Variants in CDK14 observed in about 807,000 individuals in gnomAD.
CDK14 encodes cyclin-dependent kinase 14.
CDK14 carries 34 observed loss-of-function variants against 60.7 expected under a neutral mutation model. That is an observed-to-expected ratio of 0.56 (90% CI 0.43 to 0.75). The LOEUF (loss-of-function observed/expected upper bound fraction) is 0.75. Among genes scored for constraint, CDK14 ranks in the 30% least tolerant of loss-of-function variants. The probability of loss-of-function intolerance (pLI) is 0.00; values close to 1 mark genes in which losing one functional copy is unlikely to be tolerated. For synonymous variants in CDK14, 197 were observed against 203.7 expected, an observed-to-expected ratio of 0.97 and a Z score of 0.28; for missense variants, 482 against 564.1, an observed-to-expected ratio of 0.85 and a Z score of 1.47.
chr7:90,843,803 T>C (rs1790376996), intron 5 of CDK14, among the ~76,000 whole-genome samples: 1 of 152,176 alleles, frequency 6.6e-6, no homozygotes, highest in Admixed American at 6.5e-5. Flanking sequence ...GGAAGGTCAA[T>C]AGCCTGGAAG....
chr7:90,861,884 A>G (rs1163181250), intron 5 of CDK14, among the ~76,000 whole-genome samples: 2 of 152,214 alleles, frequency 1.3e-5, no homozygotes, highest in Non-Finnish European at 2.9e-5. Context: ...AATAGGGATT[A>G]GTGCATTTTG....
intron 3 of CDK14, among the ~76,000 whole-genome samples, chr7:90,739,429 T>G (rs1048337943): frequency 2.6e-5 from 4 of 152,194 alleles, no homozygotes; most frequent in Non-Finnish European, 5.9e-5. Context: ...TTTTTTTGTT[T>G]TTCTAATTTC....
chr7:90,771,786 T>C (rs1157928773), intron 4 of CDK14, among the ~76,000 whole-genome samples: 1 of 152,180 alleles, frequency 6.6e-6, no homozygotes, highest in African/African-American at 2.4e-5. Context: ...GTCACTCTGG[T>C]CACTGGACTC....
chr7:90,777,213 C>A (rs1457179486), intron 4 of CDK14, among the ~76,000 whole-genome samples: 1 of 152,116 alleles, frequency 6.6e-6, no homozygotes, highest in Non-Finnish European at 1.5e-5. Flanking sequence ...GGTGGTGGAT[C>A]TAAAACAGGC....
intron 2 of CDK14, among the ~76,000 whole-genome samples, chr7:90,606,737 A>G (rs530414340): frequency 1.1e-4 from 16 of 152,318 alleles, no homozygotes; most frequent in Admixed American, 8.5e-4. Flanking sequence ...TGTTGCTCGT[A>G]GTTAACTTTC....
At chr7:91,116,008 G>A (rs1799598827) in intron 13 of CDK14, among the ~76,000 whole-genome samples, 1 of 152,100 alleles carries the variant, frequency 6.6e-6, no homozygotes, top group Non-Finnish European at 1.5e-5. Context: ...GCTAATTCTG[G>A]TGGCACCCTG....
chr7:90,610,405 C>T (rs1043783388), intron 2 of CDK14, among the ~76,000 whole-genome samples: 2 of 152,152 alleles, frequency 1.3e-5, no homozygotes, highest in Non-Finnish European at 2.9e-5. Context: ...GTCCTTGTGC[C>T]GCTGGCCTGT....
chr7:90,749,769 A>C lies in CDK14; in HGVS notation c.464+1994A>C, dbSNP rs192363023. On this transcript the variant is annotated intron_variant, in intron 4 of 14. Transcript: ENST00000380050. ...GTTTCCCAGCTTCATGTTTAGGCACACTCTGGGTGCTTGGTGGCTTTCTAC... is the reference window on the plus strand; with the variant it reads ...GTTTCCCAGCTTCATGTTTAGGCACCCTCTGGGTGCTTGGTGGCTTTCTAC... Among the ~76,000 whole-genome samples, 233 of 152,040 alleles carry C rather than the reference A, an allele frequency of 1.5e-3. 1 individual carries two copies. The highest frequency in any genetic ancestry group is 2.0e-3 in the Non-Finnish European group (137 of 67,954).
At chr7:91,198,998 G>A (rs1802635457) in intron 14 of CDK14, among the ~76,000 whole-genome samples, 1 of 152,124 alleles carries the variant, frequency 6.6e-6, no homozygotes, top group African/African-American at 2.4e-5. Flanking sequence ...GAGAAAAAAT[G>A]CACACTCTGG....
At chr7:90,887,244 T>A (rs987696711) in intron 6 of CDK14, among the ~76,000 whole-genome samples, 3 of 152,200 alleles carry the variant, frequency 2.0e-5, no homozygotes, top group African/African-American at 7.2e-5. Flanking sequence ...TTTTTAAAAA[T>A]AATGTTGGTG....
chr7:90,682,410 A>G (rs974393212), intron 2 of CDK14, among the ~76,000 whole-genome samples: 1 of 152,296 alleles, frequency 6.6e-6, no homozygotes, highest in African/African-American at 2.4e-5. Flanking sequence ...TTATCAATCA[A>G]TCATCTGTCG....
intron 2 of CDK14, among the ~76,000 whole-genome samples, chr7:90,685,648 A>C (rs1250800071): frequency 9.8e-6 from 1 of 101,658 alleles, no homozygotes; most frequent in Admixed American, 1.3e-4. Flanking sequence ...CCAGCCAATT[A>C]ATTTTTTTTT....
At chr7:90,988,085 G>A (rs767646) in intron 10 of CDK14, among the ~76,000 whole-genome samples, 5,508 of 152,178 alleles carry the variant, frequency 0.036, 108 homozygotes, top group Non-Finnish European at 0.055. Context: ...TATAAAATAT[G>A]TGAAAGGAAA....
chr7:90,797,554 A>G (rs865881380), intron 5 of CDK14, among the ~76,000 whole-genome samples: 2 of 151,956 alleles, frequency 1.3e-5, no homozygotes, highest in Admixed American at 6.6e-5. Flanking sequence ...TAGTAACCCT[A>G]CGTATTAATC....
chr7:90,983,965 A>G (rs367543856), intron 9 of CDK14, among the ~76,000 whole-genome samples, 183 bp from the exon 10 acceptor site: 2 of 152,334 alleles, frequency 1.3e-5, no homozygotes, highest in East Asian at 1.9e-4. Context: ...TCAGAATCAC[A>G]TAATATACCC....
chr7:90,922,323 T>C (rs887973528), intron 8 of CDK14, among the ~76,000 whole-genome samples: 4 of 152,182 alleles, frequency 2.6e-5, no homozygotes, highest in African/African-American at 9.7e-5. Flanking sequence ...TCTTAACACC[T>C]CAACAGTTTT....
chr7:90,666,849 C>T (rs554709278), intron 2 of CDK14, among the ~76,000 whole-genome samples: 1 of 152,292 alleles, frequency 6.6e-6, no homozygotes, highest in African/African-American at 2.4e-5. Flanking sequence ...ATAGTCCAAA[C>T]ACAAGAAATG....
intron 2 of CDK14, among the ~76,000 whole-genome samples, chr7:90,685,668 T>G (rs1335049622): frequency 6.9e-6 from 1 of 145,148 alleles, no homozygotes; most frequent in Non-Finnish European, 1.5e-5. Context: ...TTTTTTTTTT[T>G]TTTTTTTGTA....
intron 12 of CDK14, among the ~76,000 whole-genome samples, chr7:91,103,249 T>G (rs1799193894): frequency 6.6e-6 from 1 of 151,070 alleles, no homozygotes; most frequent in Non-Finnish European, 1.5e-5. Context: ...CAATACTCTG[T>G]CAAAAAAAAA....
Sources: allele counts gnomAD v4.1 joint callset (sites outside exome capture counted in the v4.1 genomes callset), GRCh38; gene constraint gnomAD v4.1.1; transcripts MANE v1.5; gene names NCBI Gene and HGNC (gene_info 2026-07-23, HGNC 2026-07-21).